Variants in CNTNAP2 observed in about 807,000 individuals in gnomAD.
CNTNAP2 encodes contactin associated protein 2.
CNTNAP2 carries 98 observed loss-of-function variants against 155.2 expected under a neutral mutation model. The observed-to-expected ratio is 0.63, with a 90% confidence interval of 0.54 to 0.75. The LOEUF is 0.75. Ranked by LOEUF, CNTNAP2 falls within the 30% of genes least tolerant of loss-of-function variation. The probability of loss-of-function intolerance (pLI) is 0.00; values close to 1 mark genes in which losing one functional copy is unlikely to be tolerated. For synonymous variants in CNTNAP2, 651 were observed against 631.2 expected (o/e 1.03, Z -0.47); for missense variants, 1,727 against 1,688.1 (o/e 1.02, Z -0.40).
At chr7:147,961,984 A>T (rs1801126979) in intron 14 of CNTNAP2, among the ~76,000 whole-genome samples, 1 of 152,238 alleles carries the variant, frequency 6.6e-6, no homozygotes, top group Non-Finnish European at 1.5e-5. Flanking sequence ...AAAAAGAAAC[A>T]GAAACAAAAC....
chr7:148,303,446 T>G (rs117849217), intron 21 of CNTNAP2, among the ~76,000 whole-genome samples: 2,210 of 152,254 alleles, frequency 0.015, 20 homozygotes, highest in Middle Eastern at 0.027. Context: ...CTTAGGAGCT[T>G]GGGCCCTGGC....
intron 1 of CNTNAP2, among the ~76,000 whole-genome samples, chr7:146,394,313 A>G (rs939018511): frequency 6.6e-6 from 1 of 152,154 alleles, no homozygotes; most frequent in Non-Finnish European, 1.5e-5. Flanking sequence ...GTTTTTAAAT[A>G]ATGTTATATC....
intron 9 of CNTNAP2, among the ~76,000 whole-genome samples, chr7:147,390,130 T>G (rs1310588041): frequency 6.6e-6 from 1 of 152,180 alleles, no homozygotes; most frequent in Admixed American, 6.5e-5. Flanking sequence ...CCTCTGTTTC[T>G]AAGGGAGTTA....
chr7:148,162,424 C>A (rs1406740476), intron 17 of CNTNAP2, among the ~76,000 whole-genome samples: 4 of 152,092 alleles, frequency 2.6e-5, no homozygotes, highest in African/African-American at 2.4e-5. Context: ...ACTGTAGGTC[C>A]CACAGTAAAG....
At chr7:146,733,951 C>A (rs1475965618) in intron 1 of CNTNAP2, among the ~76,000 whole-genome samples, 2 of 152,052 alleles carry the variant, frequency 1.3e-5, no homozygotes, top group African/African-American at 4.8e-5. Flanking sequence ...TCCTTACCCT[C>A]TCTTCATTTA....
chr7:147,232,346 C>T (rs1362516297), intron 8 of CNTNAP2, among the ~76,000 whole-genome samples: 1 of 152,162 alleles, frequency 6.6e-6, no homozygotes, highest in Non-Finnish European at 1.5e-5. Flanking sequence ...AAAGACAATC[C>T]TAAAGTTTTA....
At chr7:146,347,780 G>T (rs936578941) in intron 1 of CNTNAP2, among the ~76,000 whole-genome samples, 2 of 152,066 alleles carry the variant, frequency 1.3e-5, no homozygotes, top group African/African-American at 2.4e-5. Flanking sequence ...TGGCCAGGCT[G>T]GTATTGAACT....
At chr7:146,365,726 A>C (rs901138257) in intron 1 of CNTNAP2, among the ~76,000 whole-genome samples, 1 of 152,216 alleles carries the variant, frequency 6.6e-6, no homozygotes, top group Non-Finnish European at 1.5e-5. Context: ...TTTTCTTTAA[A>C]TTAATCACGT....
At chr7:147,169,930 T>C (rs946415292) in intron 8 of CNTNAP2, among the ~76,000 whole-genome samples, 2 of 152,182 alleles carry the variant, frequency 1.3e-5, no homozygotes, top group African/African-American at 4.8e-5. Context: ...GAATTTCATC[T>C]GTCTGTCATT....
intron 21 of CNTNAP2, among the ~76,000 whole-genome samples, chr7:148,281,478 G>T (rs189959721): frequency 6.6e-6 from 1 of 152,218 alleles, no homozygotes; most frequent in African/African-American, 2.4e-5. Context: ...TCATTGAAGT[G>T]ATAGGTGAGA....
chr7:147,295,818 C>G (rs1280159409), intron 8 of CNTNAP2, among the ~76,000 whole-genome samples: 7 of 151,930 alleles, frequency 4.6e-5, no homozygotes, highest in Non-Finnish European at 1.0e-4. Flanking sequence ...ATTAAAATTT[C>G]AAAATAATAA....
intron 1 of CNTNAP2, among the ~76,000 whole-genome samples, chr7:146,746,607 A>T (rs140863727): frequency 2.0e-5 from 3 of 152,118 alleles, no homozygotes; most frequent in African/African-American, 7.2e-5. Context: ...AATTTTACCA[A>T]TCAAATATGA....
At chr7:147,627,691 CAAAA>C (rs138424007) in intron 12 of CNTNAP2, among the ~76,000 whole-genome samples, 19,876 of 70,280 alleles carry the variant, frequency 0.28, 858 homozygotes, top group African/African-American at 0.35. Flanking sequence ...GACTCTGTCT[CAAAA>C]AAAAAAAAAA....
At chr7:146,933,583 C>G (rs1796834346) in intron 3 of CNTNAP2, among the ~76,000 whole-genome samples, 1 of 148,656 alleles carries the variant, frequency 6.7e-6, no homozygotes, top group African/African-American at 2.5e-5. Flanking sequence ...CCAAAATTGA[C>G]AAATGGGATC....
chr7:148,415,475 C>T lies in CNTNAP2; in HGVS notation c.3855C>T (p.Tyr1285=). 1 of 1,614,188 alleles carries T rather than the reference C, an allele frequency of 6.2e-7. No homozygotes were observed. The highest frequency in any genetic ancestry group is 2.2e-5 in the East Asian group (1 of 44,886). The change falls in exon 24 of 24, where the codon TAC becomes TAT. Residue 1285 remains tyrosine (Y), a synonymous_variant. Transcript: ENST00000361727. The part of the protein sequence containing the change: ...ILCTLVFLIR[Y]MFRHKGTYHT... The stretch of plus-strand genomic sequence containing the variant: ...GCACCCTGGTCTTCCTGATCCGGTA[C>T]ATGTTCCGCCACAAGGGCACCTACC...
chr7:148,388,500 G>T (rs1799269168), intron 22 of CNTNAP2, among the ~76,000 whole-genome samples: 1 of 151,968 alleles, frequency 6.6e-6, no homozygotes, highest in Non-Finnish European at 1.5e-5. Context: ...CTGCACAGTA[G>T]TCCATGGTGT....
At chr7:146,911,133 A>G (rs1054752052) in intron 3 of CNTNAP2, among the ~76,000 whole-genome samples, 35 of 152,152 alleles carry the variant, frequency 2.3e-4, no homozygotes, top group African/African-American at 8.4e-4. Context: ...TTAGAATGGC[A>G]ATCATTAAAA....
At chr7:146,333,487 A>G (rs2129094995) in intron 1 of CNTNAP2, among the ~76,000 whole-genome samples, 1 of 152,310 alleles carries the variant, frequency 6.6e-6, no homozygotes, top group East Asian at 1.9e-4. Context: ...AGAATTAAGT[A>G]TGTTAACTTC....
At chr7:147,045,168 A>G (rs527880566) in intron 4 of CNTNAP2, among the ~76,000 whole-genome samples, 8 of 152,246 alleles carry the variant, frequency 5.3e-5, no homozygotes, top group Middle Eastern at 6.8e-3. Flanking sequence ...GGTATGAACA[A>G]GGAGGGGATT....
Sources: allele counts gnomAD v4.1 joint callset (sites outside exome capture counted in the v4.1 genomes callset), GRCh38; gene constraint gnomAD v4.1.1; transcripts MANE v1.5; gene names NCBI Gene and HGNC (gene_info 2026-07-23, HGNC 2026-07-21).